ZRANB3: variants seen among roughly 807,000 people sequenced by gnomAD.
ZRANB3 encodes DNA annealing helicase and endonuclease ZRANB3.
In ZRANB3, 125 loss-of-function variants were observed where a neutral mutation model predicts 133.8. The ratio of observed to expected loss-of-function variants is 0.93; its 90% CI spans 0.81 to 1.08. The LOEUF (loss-of-function observed/expected upper bound fraction) is 1.08. Among genes scored for constraint, ZRANB3 ranks in the 50% least tolerant of loss-of-function variants. The pLI, the probability that ZRANB3 is intolerant of heterozygous loss-of-function variation, is 0.00. For missense variants in ZRANB3, 1,229 were observed against 1,275.5 expected (o/e 0.96, Z 0.56); for synonymous variants, 387 against 432.7 (o/e 0.89, Z 1.31).
intron 12 of ZRANB3, among the ~76,000 whole-genome samples, chr2:135,263,495 A>T (rs1411466566): frequency 3.9e-5 from 6 of 152,210 alleles, no homozygotes; most frequent in African/African-American, 1.4e-4. Context: ...AGGAACAACA[A>T]CAACAAAAAT....
chr2:135,373,892 GT>G (rs1313435877), intron 3 of ZRANB3, among the ~76,000 whole-genome samples: 1 of 147,926 alleles, frequency 6.8e-6, no homozygotes, highest in African/African-American at 2.5e-5. Flanking sequence ...ACTAACATTT[GT>G]TGGGTATATG....
intron 2 of ZRANB3, among the ~76,000 whole-genome samples, chr2:135,488,459 T>C (rs967162322): frequency 1.3e-5 from 2 of 151,562 alleles, no homozygotes; most frequent in African/African-American, 2.4e-5. Flanking sequence ...CAAATTATAA[T>C]AAAACAAAGT....
At position 135,313,567 on chromosome 2, in the gene ZRANB3, CATT is replaced by C. The variant is rs1444521606; in HGVS notation, c.885_887del (p.Ile295del). On this transcript the variant is annotated inframe_deletion, in exon 8 of 21. Transcript: ENST00000264159. ...CCATGGCACCTGAATTTGGAGTTCT[CATT>C]ATTTTTTCCCACTCTTCAAAGCTGG... 4.3e-6 allele frequency: 7 copies of C among 1,613,710 alleles called. No homozygotes were observed. Among genetic ancestry groups the C allele is most frequent in the Non-Finnish European group, 5.9e-6 (7 of 1,179,772 alleles).
rs547027489 is a variant in ZRANB3, at chr2:135,425,955, T to C, written c.162-35135A>G. Among the ~76,000 whole-genome samples, 7 of 151,248 alleles carry C rather than the reference T, an allele frequency of 4.6e-5. 1 individual carries two copies. The East Asian group carries it at 1.4e-3, about 29-fold the overall frequency. ...ATAGATAGACCACTAGCTAGGCTGA[T>C]AAAGAAAAAAAGAGAAGATCCAAAT... On this transcript the variant is annotated intron_variant, in intron 2 of 20. Transcript: ENST00000264159.
intron 2 of ZRANB3, among the ~76,000 whole-genome samples, chr2:135,446,526 G>T (rs1277011402): frequency 6.6e-6 from 1 of 152,170 alleles, no homozygotes. Flanking sequence ...TGGATTTAAA[G>T]CTAGAATAAT....
At chr2:135,361,356 A>C (rs1460165004) in intron 3 of ZRANB3, among the ~76,000 whole-genome samples, 2 of 152,226 alleles carry the variant, frequency 1.3e-5, no homozygotes, top group African/African-American at 4.8e-5. Context: ...ATTAACCTCA[A>C]GAACACATTT....
At chr2:135,521,996 C>T (rs946278683) in intron 1 of ZRANB3, among the ~76,000 whole-genome samples, 4 of 152,118 alleles carry the variant, frequency 2.6e-5, no homozygotes, top group Admixed American at 1.3e-4. Flanking sequence ...GCCTTCATGT[C>T]TTTATGCTCC....
chr2:135,370,604 C>A (rs1180072375), intron 3 of ZRANB3, among the ~76,000 whole-genome samples: 1 of 151,972 alleles, frequency 6.6e-6, no homozygotes, highest in Non-Finnish European at 1.5e-5. Context: ...TCAATGGATA[C>A]AGGAAAAAAA....
intron 12 of ZRANB3, among the ~76,000 whole-genome samples, chr2:135,234,007 TAA>T (rs1161072240): frequency 1.3e-5 from 2 of 152,112 alleles, no homozygotes; most frequent in African/African-American, 4.8e-5. Flanking sequence ...GCAAATTGGA[TAA>T]AGAGTCAAGA....
chr2:135,393,569 A>T (rs1243585589), intron 2 of ZRANB3, among the ~76,000 whole-genome samples: 5 of 152,198 alleles, frequency 3.3e-5, no homozygotes, highest in African/African-American at 1.2e-4. Context: ...AGGAGAGGCA[A>T]CAATTAAGTA....
chr2:135,301,391 G>A (rs1304221353), intron 8 of ZRANB3, among the ~76,000 whole-genome samples: 1 of 151,942 alleles, frequency 6.6e-6, no homozygotes, highest in East Asian at 1.9e-4. Flanking sequence ...TCACCATGTT[G>A]GCCAGGTTCA....
At position 135,252,305 on chromosome 2, in the gene ZRANB3, C is replaced by G. The variant is rs928372010; in HGVS notation, c.1539+13229G>C. On this transcript the variant is annotated intron_variant, in intron 12 of 20. Coordinates refer to ENST00000264159, the MANE Select transcript of ZRANB3 (RefSeq NM_032143.4). ...AACAAACCCCTGTGACACATGTTTA[C>G]CTATGTGTCACCTTCCCATGTGCCC... Among the ~76,000 whole-genome samples the G allele has an allele frequency of 7.2e-5, 11 of 152,078 alleles. No individual in the cohort carries two copies. The East Asian group carries it at 1.5e-3, about 21-fold the overall frequency.
At chr2:135,455,597 T>C (rs1243411381) in intron 2 of ZRANB3, among the ~76,000 whole-genome samples, 6 of 145,930 alleles carry the variant, frequency 4.1e-5, no homozygotes, top group East Asian at 2.0e-4. Flanking sequence ...TTCTTTTTTT[T>C]TTTTTTTTTT....
At chr2:135,373,345 A>C (rs1008993701) in intron 3 of ZRANB3, among the ~76,000 whole-genome samples, 2 of 152,198 alleles carry the variant, frequency 1.3e-5, no homozygotes, top group African/African-American at 4.8e-5. Context: ...AGGAACCAAA[A>C]GGCAACCAGA....
intron 1 of ZRANB3, among the ~76,000 whole-genome samples, chr2:135,528,244 G>A (rs954871024): frequency 6.6e-6 from 1 of 151,888 alleles, no homozygotes; most frequent in African/African-American, 2.4e-5. Flanking sequence ...GACCTCCTGG[G>A]CCCCAGCGAT....
At chr2:135,414,758 C>G (rs1688477292) in intron 2 of ZRANB3, among the ~76,000 whole-genome samples, 1 of 152,190 alleles carries the variant, frequency 6.6e-6, no homozygotes, top group Admixed American at 6.5e-5. Context: ...AACTCTCTCT[C>G]AGACCACAGT....
intron 17 of ZRANB3, among the ~76,000 whole-genome samples, chr2:135,216,664 T>A (rs564009784): frequency 2.6e-5 from 4 of 151,684 alleles, no homozygotes; most frequent in Non-Finnish European, 4.4e-5. Context: ...ATCATTGAAC[T>A]CCTGGGCTCA....
chr2:135,228,315 T>G lies in ZRANB3; in HGVS notation c.1955-300A>C, dbSNP rs185680308. ...AAAGAGAACACAACTAAGTTTTGTT[T>G]TTTTTTTTTTTTCAGTAAGAAGGTT... On this transcript the variant is annotated intron_variant, in intron 13 of 20. Transcript: ENST00000264159. 7.7e-3 allele frequency: 1,522 copies of G among 198,886 alleles called. 22 individuals are homozygous for G. Among genetic ancestry groups the G allele is most frequent in the African/African-American group, 0.035 (1,440 of 41,116 alleles). The allele number at this position is 198,886 out of a possible 1,614,324, so 12.3% of individuals were successfully genotyped here. A position where few individuals can be genotyped will look rare whatever the true frequency, so the allele number is the denominator to read the frequency against.
chr2:135,301,737 G>A (rs1167205511), intron 8 of ZRANB3, among the ~76,000 whole-genome samples: 3 of 152,084 alleles, frequency 2.0e-5, no homozygotes, highest in African/African-American at 7.2e-5. Flanking sequence ...TGTCTTTCCT[G>A]CACCCTCAAG....
Sources: gnomAD v4.1 joint callset for allele counts (sites outside exome capture counted in the v4.1 genomes callset) on GRCh38, gnomAD v4.1.1 for gene constraint, MANE v1.5 for transcripts, NCBI Gene and HGNC (gene_info 2026-07-23, HGNC 2026-07-21) for gene names.